TCTN1: variants seen among roughly 807,000 people sequenced by gnomAD.
TCTN1 encodes tectonic family member 1, also known as tectonic-1.
In TCTN1, 58 loss-of-function variants were observed where a neutral mutation model predicts 65.8. The ratio of observed to expected loss-of-function variants is 0.88; its 90% confidence interval spans 0.71 to 1.10. The LOEUF is 1.10. TCTN1 is among the 50% of genes least tolerant of loss of function. The pLI, the probability that TCTN1 is intolerant of heterozygous loss-of-function variation, is 0.00. For synonymous variants in TCTN1, 273 were observed against 289.1 expected (o/e 0.94, Z 0.57); for missense variants, 645 against 719.4 (o/e 0.90, Z 1.18).
chr12:110,617,201 G>C (rs765825215), intron 1 of TCTN1, among the ~76,000 whole-genome samples: 5 of 152,126 alleles, frequency 3.3e-5, no homozygotes, highest in Non-Finnish European at 7.4e-5. Flanking sequence ...ACATAGAAGA[G>C]TTCTCAACTA....
intron 3 of TCTN1, chr12:110,628,321 A>G: frequency 7.7e-7 from 1 of 1,293,960 alleles, no homozygotes; most frequent in South Asian, 1.4e-5. Context: ...TCCTGGGAGA[A>G]GTGAATATGG....
At chr12:110,627,298 T>C (rs1452178410) in intron 3 of TCTN1, among the ~76,000 whole-genome samples, 2 of 152,042 alleles carry the variant, frequency 1.3e-5, no homozygotes, top group South Asian at 2.1e-4. Context: ...GGTTTCACCA[T>C]GTTGGCGAGG....
intron 4 of TCTN1, among the ~76,000 whole-genome samples, chr12:110,630,958 G>A (rs1031138558): frequency 7.3e-5 from 11 of 151,210 alleles, no homozygotes; most frequent in South Asian, 2.1e-4. Context: ...ATAGAGCTGC[G>A]TTGTTGTTGT....
chr12:110,633,604 T>G (rs918718346), intron 5 of TCTN1, among the ~76,000 whole-genome samples: 8 of 150,248 alleles, frequency 5.3e-5, no homozygotes, highest in African/African-American at 1.5e-4. Context: ...ACCACTGCAC[T>G]CCATCCTGGG....
chr12:110,623,065 G>A (rs747702738), intron 2 of TCTN1, among the ~76,000 whole-genome samples: 17 of 152,126 alleles, frequency 1.1e-4, no homozygotes, highest in Admixed American at 9.8e-4. Context: ...TCTAGCCCTC[G>A]TGGTCGTCCA....
Position 110,628,807 on chromosome 12 carries a change from T to C in TCTN1, c.513T>C (p.Asp171=). ...ALSFINPEVP[D]ENNFDTLMKT... ...CCTTTATTAATCCAGAAGTACCTGA[T>C]GAAAACAATTTTGATACATTGATGA... Residue 171 remains aspartate (D), a synonymous_variant, in exon 4 of 15, where the codon GAT becomes GAC. Transcript: ENST00000397659. 1 of 1,612,158 alleles carries C rather than the reference T, an allele frequency of 6.2e-7. No individual in the cohort carries two copies. Among genetic ancestry groups the C allele is most frequent in the Non-Finnish European group, 8.5e-7 (1 of 1,178,614 alleles).
intron 6 of TCTN1, chr12:110,635,755 A>G (rs553574011): frequency 6.6e-6 from 1 of 152,476 alleles, no homozygotes; most frequent in South Asian, 2.1e-4. Context: ...TCATGGCACC[A>G]TTATTTATCT....
chr12:110,634,548 A>G (rs1216969471), intron 5 of TCTN1, 122 bp from the exon 6 acceptor site: 3 of 766,314 alleles, frequency 3.9e-6, no homozygotes, highest in East Asian at 2.8e-5. Context: ...AAAATTGTAT[A>G]TCTGTGTTGT....
chr12:110,644,580 A>G lies in TCTN1; in HGVS notation c.1332-387A>G. On this transcript the variant is annotated intron_variant, in intron 11 of 14. Coordinates refer to ENST00000397659, the MANE Select transcript of TCTN1 (RefSeq NM_001082538.3). This position sits in a 1 kb window ranked among gnomAD's most constrained non-coding sequence, Gnocchi z 4.6. ...GTAGTCCCAGCTACTCAGGAGGCTG[A>G]GGCAGGAGAATCACTTGAACCTGGG... 1 of 301,252 alleles carries G rather than the reference A, an allele frequency of 3.3e-6. No individual in the cohort carries two copies. Among genetic ancestry groups the G allele is most frequent in the South Asian group, 2.9e-5 (1 of 34,310 alleles). 18.7% of individuals were successfully genotyped at this position (301,252 alleles called of 1,614,324 possible). A position where few individuals can be genotyped will look rare whatever the true frequency, so the allele number is the denominator to read the frequency against.
chr12:110,622,914 C>T (rs1025423128), intron 2 of TCTN1, among the ~76,000 whole-genome samples: 1 of 152,160 alleles, frequency 6.6e-6, no homozygotes. Context: ...GGTTTCCCTC[C>T]CCATCCTCCC....
rs545276460 is a variant in TCTN1 at position 110,641,668 on chromosome 12, C to T, written c.1190+41C>T. 3.8e-5 allele frequency: 60 copies of T among 1,580,138 alleles called. No individual in the cohort carries two copies. The South Asian group carries it at 5.6e-4, about 15-fold the overall frequency. The stretch of plus-strand genomic sequence containing the variant: ...CTGTAGAGGGTGGATTTATTTCTCT[C>T]TCCATGTGCGTGGGCTGCACTGCTC... On this transcript the variant is annotated intron_variant, in intron 10 of 14. Transcript: ENST00000397659.
intron 7 of TCTN1, 69 bp downstream of exon 7, chr12:110,636,570 C>A: frequency 2.1e-6 from 2 of 960,648 alleles, no homozygotes; most frequent in Non-Finnish European, 3.2e-6. Flanking sequence ...TTTCTGAGCC[C>A]TTTTAAATGA....
rs2065291069 is a variant in TCTN1, at chr12:110,619,824, T to G, written c.221-12T>G. 1 of 1,614,064 alleles carries G rather than the reference T, an allele frequency of 6.2e-7. No homozygotes were observed. Among genetic ancestry groups the G allele is most frequent in the Non-Finnish European group, 8.5e-7 (1 of 1,180,012 alleles). ...GGTGATGTTCTGGATCCTACCCCTC[T>G]TTTTTCTGCAGTTGCTGTTCTCTGT... On this transcript the variant is annotated splice_polypyrimidine_tract_variant and intron_variant, in intron 1 of 14. Coordinates refer to ENST00000397659, the MANE Select transcript of TCTN1 (RefSeq NM_001082538.3).
rs530308306 is a variant in TCTN1, at chr12:110,614,549, T to C, written c.220+147T>C. 3.4e-6 allele frequency: 5 copies of C among 1,472,894 alleles called. 1 individual carries two copies. In the South Asian group the frequency reaches 6.1e-5, roughly 18 times the overall value. 91.2% of individuals were successfully genotyped at this position (1,472,894 alleles called of 1,614,324 possible). ...GAGTGTTCCATAAACGTCCATTCTC[T>C]AAACAATAACCCTGAGAAGTAGCTG... On this transcript the variant is annotated intron_variant, in intron 1 of 14. Coordinates refer to ENST00000397659, the MANE Select transcript of TCTN1 (RefSeq NM_001082538.3).
intron 1 of TCTN1, among the ~76,000 whole-genome samples, chr12:110,618,810 A>G (rs1258455833): frequency 6.6e-6 from 1 of 152,186 alleles, no homozygotes; most frequent in African/African-American, 2.4e-5. Flanking sequence ...ACAGAATAAG[A>G]TAGAGAATTA....
intron 12 of TCTN1, 107 bp downstream of exon 12, chr12:110,645,236 G>A (rs1178628554): frequency 2.1e-6 from 3 of 1,445,234 alleles, no homozygotes; most frequent in Admixed American, 1.9e-5. Flanking sequence ...ATGGCCCTGA[G>A]TGGGAGCGCG....
intron 12 of TCTN1, chr12:110,646,672 A>G (rs1006650315): frequency 1.1e-5 from 2 of 181,476 alleles, no homozygotes; most frequent in Non-Finnish European, 2.3e-5. Context: ...TGTCTTTGAC[A>G]ACATACGGAC....
chr12:110,622,952 G>A (rs921005921), intron 2 of TCTN1, among the ~76,000 whole-genome samples: 6 of 152,198 alleles, frequency 3.9e-5, no homozygotes, highest in African/African-American at 1.4e-4. Context: ...GGGCTAGGGA[G>A]AAGTATCTAG....
rs1593343225 is a variant in TCTN1, at chr12:110,639,392, T to G, written c.844-991T>G. Among the ~76,000 whole-genome samples the G allele has an allele frequency of 6.6e-6, 1 of 152,312 alleles. No homozygotes were observed. Among genetic ancestry groups the G allele is most frequent in the East Asian group, 1.9e-4 (1 of 5,182 alleles). On this transcript the variant is annotated intron_variant, in intron 7 of 14. Transcript: ENST00000397659. This position sits in a 1 kb window ranked among gnomAD's most constrained non-coding sequence, Gnocchi z 4.9. ...CCTGGTGCTGCTGAAAATGTTTGTCTGTGTCTGTTTTTTGTTGCTCATAAT... is the reference window on the plus strand; with the variant it reads ...CCTGGTGCTGCTGAAAATGTTTGTCGGTGTCTGTTTTTTGTTGCTCATAAT...
Sources: allele counts gnomAD v4.1 joint callset (sites outside exome capture counted in the v4.1 genomes callset), GRCh38; gene constraint gnomAD v4.1.1; non-coding constraint Gnocchi (gnomAD v3.1); transcripts MANE v1.5; gene names NCBI Gene and HGNC (gene_info 2026-07-23, HGNC 2026-07-21).